RHEX: variants seen among roughly 807,000 people sequenced by gnomAD.
The protein encoded by RHEX is regulator of hemoglobinization and erythroid cell expansion protein.
RHEX carries 18 observed loss-of-function variants against 20.1 expected under a neutral mutation model. The ratio of observed to expected loss-of-function variants is 0.90; its 90% CI spans 0.62 to 1.33. RHEX has a LOEUF of 1.33. Ranked by LOEUF, RHEX falls within the 40% of genes most tolerant of loss-of-function variation. The pLI is 0.00. For missense variants in RHEX, 192 were observed against 214.3 expected, an observed-to-expected ratio of 0.90 and a Z score of 0.65; for synonymous variants, 87 against 77.1, an observed-to-expected ratio of 1.13 and a Z score of -0.67.
intron 1 of RHEX, among the ~76,000 whole-genome samples, chr1:206,092,056 C>CTCTCTCTTTCTCTCTT (rs530575974): frequency 6.6e-6 from 1 of 151,180 alleles, no homozygotes; most frequent in Admixed American, 6.6e-5. Context: ...CTCTTTCTCT[C>CTCTCTCTTTCTCTCTT]TCTCTCTTTC....
chr1:206,074,101 G>C (rs952763799), intron 1 of RHEX, among the ~76,000 whole-genome samples: 1 of 152,074 alleles, frequency 6.6e-6, no homozygotes, highest in Non-Finnish European at 1.5e-5. Flanking sequence ...GGGACTTTCT[G>C]CTCTTTCCTC....
intron 4 of RHEX, 60 bp from the exon 5 acceptor site, chr1:206,101,076 A>G: frequency 1.5e-6 from 2 of 1,349,954 alleles, no homozygotes; most frequent in Non-Finnish European, 2.1e-6. Flanking sequence ...CATTGTCTCT[A>G]TCCTCTCTTA....
At chr1:206,059,670 ACTTGCCTCAGGCAAGTGCCTTCCC>A (rs1291333005) in intron 1 of RHEX, among the ~76,000 whole-genome samples, 203 of 152,272 alleles carry the variant, frequency 1.3e-3, no homozygotes, top group African/African-American at 4.8e-3. Context: ...TGGCTACAGC[ACTTGCCTCAGGCAAGTGCCTTCCC>A]CTGAGATTCC....
At chr1:206,076,155 G>A (rs1662633578) in intron 1 of RHEX, among the ~76,000 whole-genome samples, 1 of 151,376 alleles carries the variant, frequency 6.6e-6, no homozygotes, top group African/African-American at 2.4e-5. Context: ...TCACCAGGGA[G>A]TCTTTTTTTT....
In RHEX at chr1:206,067,874, C is replaced by T. The variant is rs977394026; in HGVS notation, c.-97+14609C>T. Among the ~76,000 whole-genome samples, 11 of 152,192 alleles carry T rather than the reference C, an allele frequency of 7.2e-5. No homozygotes were observed. Among genetic ancestry groups the T allele is most frequent in the South Asian group, 6.2e-4 (3 of 4,832 alleles). On this transcript the variant is annotated intron_variant, in intron 1 of 5. Coordinates refer to ENST00000331555, the MANE Select transcript of RHEX (RefSeq NM_001007544.4). This position sits in a 1 kb window ranked among gnomAD's most constrained non-coding sequence, Gnocchi z 4.6. ...TGGTAAATTCTTTTACCATCTGTGA[C>T]GCCAGCCCCAGCCAGTTGCACCTGC...
intron 1 of RHEX, among the ~76,000 whole-genome samples, chr1:206,064,659 G>T (rs577407248): frequency 0.015 from 2,268 of 148,240 alleles, 31 homozygotes; most frequent in African/African-American, 0.054. Flanking sequence ...AGGTGGGGGG[G>T]TCAGCCCCCC....
intron 1 of RHEX, among the ~76,000 whole-genome samples, chr1:206,074,394 T>C (rs1203029847): frequency 6.6e-6 from 1 of 152,244 alleles, no homozygotes; most frequent in Non-Finnish European, 1.5e-5. Context: ...AATGGATGAA[T>C]AAATGAATGA....
intron 1 of RHEX, among the ~76,000 whole-genome samples, chr1:206,063,835 G>C (rs1206211732): frequency 8.6e-5 from 13 of 151,388 alleles, no homozygotes; most frequent in African/African-American, 3.2e-4. Flanking sequence ...AGTGAGGAGC[G>C]TCTCTGCCTG....
intron 1 of RHEX, among the ~76,000 whole-genome samples, chr1:206,063,287 A>G (rs1662342094): frequency 6.6e-6 from 1 of 151,976 alleles, no homozygotes; most frequent in Non-Finnish European, 1.5e-5. Flanking sequence ...ATGTGGGGAG[A>G]GTCAGGGTTC....
At chr1:206,091,519 G>A (rs1416744506) in intron 1 of RHEX, among the ~76,000 whole-genome samples, 2 of 152,142 alleles carry the variant, frequency 1.3e-5, no homozygotes, top group Admixed American at 1.3e-4. Flanking sequence ...AGTTTATCCA[G>A]TACATTTTGG....
chr1:206,076,816 C>A (rs905038829), intron 1 of RHEX, among the ~76,000 whole-genome samples: 7 of 152,154 alleles, frequency 4.6e-5, no homozygotes, highest in Non-Finnish European at 8.8e-5. Flanking sequence ...TTTTTCTTAT[C>A]TCTCCTTATA....
At chr1:206,054,377 A>G (rs559329080) in intron 1 of RHEX, among the ~76,000 whole-genome samples, 2 of 152,392 alleles carry the variant, frequency 1.3e-5, no homozygotes, top group South Asian at 4.1e-4. Flanking sequence ...AAAACAGTTT[A>G]TGTGCAAGGT....
At chr1:206,074,777 G>A (rs1208983688) in intron 1 of RHEX, among the ~76,000 whole-genome samples, 3 of 152,092 alleles carry the variant, frequency 2.0e-5, no homozygotes, top group Non-Finnish European at 4.4e-5. Context: ...CTTCTAATTC[G>A]ACCTCATGTG....
chr1:206,097,687 T>A (rs1553287855), intron 1 of RHEX, 46 bp from the exon 2 acceptor site: 2 of 1,298,512 alleles, frequency 1.5e-6, no homozygotes, highest in African/African-American at 2.9e-5. Flanking sequence ...AAGGGAAATT[T>A]GTATAAAGAG....
chr1:206,054,123 C>A (rs1553282215), intron 1 of RHEX, among the ~76,000 whole-genome samples: 9 of 118,286 alleles, frequency 7.6e-5, no homozygotes, highest in Middle Eastern at 4.6e-3. Flanking sequence ...GAATGGTTAT[C>A]TTCAAAAAAA....
intron 1 of RHEX, among the ~76,000 whole-genome samples, chr1:206,095,414 C>T (rs143635856): frequency 6.6e-6 from 1 of 152,204 alleles, no homozygotes; most frequent in Admixed American, 6.5e-5. Flanking sequence ...TGTATGATTC[C>T]ATGTTTTAAA....
intron 3 of RHEX, among the ~76,000 whole-genome samples, chr1:206,098,962 G>A (rs1663130872): frequency 6.6e-6 from 1 of 152,190 alleles, no homozygotes; most frequent in African/African-American, 2.4e-5. Flanking sequence ...GATACAGCTT[G>A]GTGGATGGCT....
intron 1 of RHEX, among the ~76,000 whole-genome samples, chr1:206,057,349 T>C (rs1662213380): frequency 6.6e-6 from 1 of 152,226 alleles, no homozygotes; most frequent in East Asian, 1.9e-4. Context: ...CTGACAAATT[T>C]TGGGTTCTGA....
At chr1:206,086,553 C>T (rs74700696) in intron 1 of RHEX, among the ~76,000 whole-genome samples, 2,040 of 152,264 alleles carry the variant, frequency 0.013, 40 homozygotes, top group African/African-American at 0.046. Context: ...AATTATGTCC[C>T]CTCCACGGGG....
Sources: gnomAD v4.1 joint callset for allele counts (sites outside exome capture counted in the v4.1 genomes callset) on GRCh38, gnomAD v4.1.1 for gene constraint, Gnocchi (gnomAD v3.1) non-coding constraint, MANE v1.5 for transcripts, NCBI Gene and HGNC (gene_info 2026-07-23, HGNC 2026-07-21) for gene names.